MID1: variants seen among roughly 807,000 people sequenced by gnomAD.
MID1 encodes the protein E3 ubiquitin-protein ligase Midline-1.
In MID1, 7 loss-of-function variants were observed where a neutral mutation model predicts 40.4. That is an observed-to-expected ratio of 0.17 (90% CI 0.10 to 0.33). The LOEUF is 0.33. MID1 is among the 10% of genes least tolerant of loss of function. The pLI, the probability that MID1 is intolerant of heterozygous loss-of-function variation, is 1.00. For synonymous variants in MID1, 229 were observed against 221.2 expected (o/e 1.04, Z -0.31); for missense variants, 367 against 558.5 (o/e 0.66, Z 3.46).
intron 1 of MID1, among the ~76,000 whole-genome samples, chrX:10,731,291 T>A (rs144511791): frequency 9.0e-6 from 1 of 111,623 alleles, no homozygotes; most frequent in Admixed American, 9.5e-5. Context: ...TCAGACTGGA[T>A]AAAAAGCAAA....
intron 1 of MID1, among the ~76,000 whole-genome samples, chrX:10,757,854 T>A (rs1165252141): frequency 3.6e-5 from 4 of 112,050 alleles, no homozygotes; most frequent in African/African-American, 1.3e-4. Flanking sequence ...CCAGAAAAAA[T>A]TAATAATTTA....
chrX:10,682,941 T>C (rs2043069354), intron 1 of MID1, among the ~76,000 whole-genome samples: 1 of 111,175 alleles, frequency 9.0e-6, no homozygotes, highest in African/African-American at 3.3e-5. Flanking sequence ...TGGGTGGAAG[T>C]TGATTAAACA....
intron 1 of MID1, among the ~76,000 whole-genome samples, chrX:10,758,127 C>CTT (rs752295936): frequency 1.7e-4 from 16 of 93,237 alleles, no homozygotes; most frequent in African/African-American, 6.4e-4. Flanking sequence ...GCATGCCCTG[C>CTT]TTTTTTTTTT....
At chrX:10,645,856 T>C (rs1602493757) in intron 1 of MID1, among the ~76,000 whole-genome samples, 1 of 111,759 alleles carries the variant, frequency 8.9e-6, no homozygotes, top group African/African-American at 3.3e-5. Context: ...CTCTCCTGGA[T>C]TGGCAACCCA....
At chrX:10,463,611 C>CAATT (rs756327864) in intron 7 of MID1, among the ~76,000 whole-genome samples, 1 of 112,044 alleles carries the variant, frequency 8.9e-6, no homozygotes, top group African/African-American at 3.2e-5. Context: ...TTTTAAAATG[C>CAATT]AATTATGGGG....
intron 1 of MID1, among the ~76,000 whole-genome samples, chrX:10,570,273 C>T (rs933451287): frequency 9.8e-5 from 11 of 112,122 alleles, no homozygotes; most frequent in African/African-American, 3.6e-4. Context: ...TGACTCTCTG[C>T]TCCAGTGTCA....
chrX:10,733,358 A>G (rs1390223734), intron 1 of MID1, among the ~76,000 whole-genome samples: 1 of 112,317 alleles, frequency 8.9e-6, no homozygotes, highest in African/African-American at 3.2e-5. Flanking sequence ...GAAAACTTCT[A>G]GAAAAAATCA....
intron 1 of MID1, among the ~76,000 whole-genome samples, chrX:10,725,876 A>G (rs2043387231): frequency 8.9e-6 from 1 of 112,044 alleles, no homozygotes; most frequent in Non-Finnish European, 1.9e-5. Context: ...AGAAAGAAAG[A>G]AAAAGAAGAA....
chrX:10,543,111 C>T (rs1452861973), intron 2 of MID1, among the ~76,000 whole-genome samples: 1 of 112,281 alleles, frequency 8.9e-6, no homozygotes, highest in African/African-American at 3.2e-5. Flanking sequence ...CAATATTCAA[C>T]TTTGGAACAA....
chrX:10,499,735 A>G (rs1931447735), intron 3 of MID1, among the ~76,000 whole-genome samples: 1 of 112,072 alleles, frequency 8.9e-6, no homozygotes, highest in Non-Finnish European at 1.9e-5. Context: ...AAATCAATTG[A>G]CCACATTGTG....
chrX:10,798,412 C>T (rs776751369), intron 1 of MID1, among the ~76,000 whole-genome samples: 1 of 112,306 alleles, frequency 8.9e-6, no homozygotes, highest in African/African-American at 3.2e-5. Context: ...CTCCTCTCTC[C>T]TAGTTTGCTT....
At chrX:10,590,198 C>G (rs1368839401) in intron 1 of MID1, among the ~76,000 whole-genome samples, 4 of 111,703 alleles carry the variant, frequency 3.6e-5, no homozygotes, top group Non-Finnish European at 7.5e-5. Context: ...CAGGCAGGCC[C>G]AGGCCTGGTT....
At chrX:10,629,649 G>A (rs781241309) in intron 1 of MID1, among the ~76,000 whole-genome samples, 1 of 112,384 alleles carries the variant, frequency 8.9e-6, no homozygotes, top group Non-Finnish European at 1.9e-5. Context: ...GCTATGCAGA[G>A]GAGGATTTGG....
rs186830695 is a variant in MID1, at chrX:10,446,385, A to G, written c.*2983T>C. 8.9e-6 allele frequency: 1 copy of G among 111,908 alleles called. No homozygotes were observed. The highest frequency in any genetic ancestry group is 2.8e-4 in the East Asian group (1 of 3,558). The allele number at this position is 111,908 out of a possible 1,213,427, so 9.2% of individuals were successfully genotyped here. A position where few individuals can be genotyped will look rare whatever the true frequency, so the allele number is the denominator to read the frequency against. On this transcript the variant is annotated 3_prime_UTR_variant, in exon 10 of 10. Coordinates refer to ENST00000317552, the MANE Select transcript of MID1 (RefSeq NM_000381.4). Reference sequence around the variant, plus strand: ...CAGTTCCTCAGCAAGTTTAAGGTCAATATATCAGTACCGTAATAAAAAAGC... The same window carrying G: ...CAGTTCCTCAGCAAGTTTAAGGTCAGTATATCAGTACCGTAATAAAAAAGC...
chrX:10,450,031 A>G (rs1928232514), intron 9 of MID1, among the ~76,000 whole-genome samples: 1 of 112,210 alleles, frequency 8.9e-6, no homozygotes, highest in Non-Finnish European at 1.9e-5. Flanking sequence ...AAAAATCTAC[A>G]CAATGAATTC....
chrX:10,784,626 A>G (rs1214171664), intron 1 of MID1, among the ~76,000 whole-genome samples: 7 of 108,714 alleles, frequency 6.4e-5, no homozygotes, highest in Non-Finnish European at 1.3e-4. Flanking sequence ...TTGTATTTTT[A>G]GTAGAGACGG....
intron 1 of MID1, among the ~76,000 whole-genome samples, chrX:10,809,528 C>G (rs2044078576): frequency 9.0e-6 from 1 of 111,473 alleles, no homozygotes; most frequent in Non-Finnish European, 1.9e-5. Flanking sequence ...GGAACCAACC[C>G]AAATGTCCAT....
chrX:10,598,991 G>C (rs1304650548), intron 1 of MID1, among the ~76,000 whole-genome samples: 1 of 111,887 alleles, frequency 8.9e-6, no homozygotes, highest in Non-Finnish European at 1.9e-5. Context: ...ATCCTGACGG[G>C]GGGGATCCTG....
At chrX:10,505,367 A>G in intron 3 of MID1, 1 of 753,763 alleles carries the variant, frequency 1.3e-6, no homozygotes, top group Non-Finnish European at 1.6e-6. Context: ...CTTTGTTAGA[A>G]GCAGTTCCAA....
Sources: allele counts gnomAD v4.1 joint callset (sites outside exome capture counted in the v4.1 genomes callset), GRCh38; gene constraint gnomAD v4.1.1; transcripts MANE v1.5; gene names NCBI Gene and HGNC (gene_info 2026-07-23, HGNC 2026-07-21).